The following ZNF827 variants were observed in gnomAD, a reference collection of about 807,000 sequenced individuals.
ZNF827 encodes the protein zinc finger protein 827.
ZNF827 carries 13 observed loss-of-function variants against 102.4 expected under a neutral mutation model. The ratio of observed to expected loss-of-function variants is 0.13; its 90% CI spans 0.08 to 0.20. ZNF827 has a LOEUF of 0.20. Ranked by LOEUF, ZNF827 falls within the 10% of genes least tolerant of loss-of-function variation. ZNF827 has a pLI of 1.00. For missense variants in ZNF827, 1,103 were observed against 1,344.4 expected (o/e 0.82, Z 2.81); for synonymous variants, 523 against 536.2 (o/e 0.98, Z 0.34).
chr4:145,882,171 C>T (rs1418698077), intron 4 of ZNF827, among the ~76,000 whole-genome samples: 1 of 152,210 alleles, frequency 6.6e-6, no homozygotes, highest in South Asian at 2.1e-4. Flanking sequence ...ACCCTAGCCA[C>T]GTGACCACTG....
intron 9 of ZNF827, among the ~76,000 whole-genome samples, chr4:145,777,037 C>T (rs1424319300): frequency 1.3e-5 from 2 of 152,204 alleles, no homozygotes; most frequent in Non-Finnish European, 2.9e-5. Context: ...TTAATGCTTA[C>T]TTGGTATTAC....
At chr4:145,813,647 A>C (rs1742273973) in intron 8 of ZNF827, among the ~76,000 whole-genome samples, 2 of 152,182 alleles carry the variant, frequency 1.3e-5, no homozygotes, top group Non-Finnish European at 1.5e-5. Context: ...GCAAAAACAG[A>C]CCCGTATTAT....
Position 145,903,620 on chromosome 4 carries a change from A to T in ZNF827, c.44-405T>A, listed in dbSNP as rs557630750. Reference sequence around the variant, plus strand: ...GAGAGGCAGCCTGGCATAGTGGGACACAGACCGTGAGACACAGACAGTGGG... The same window carrying T: ...GAGAGGCAGCCTGGCATAGTGGGACTCAGACCGTGAGACACAGACAGTGGG... On this transcript the variant is annotated intron_variant, in intron 1 of 14. Coordinates refer to ENST00000508784, the MANE Select transcript of ZNF827 (RefSeq NM_001306215.2). Among the ~76,000 whole-genome samples the T allele has an allele frequency of 3.3e-5, 5 of 152,310 alleles. No homozygotes were observed. The South Asian group carries it at 8.3e-4, about 25-fold the overall frequency.
intron 2 of ZNF827, among the ~76,000 whole-genome samples, chr4:145,899,905 A>G (rs1579514974): frequency 6.6e-6 from 1 of 152,326 alleles, no homozygotes; most frequent in East Asian, 1.9e-4. Flanking sequence ...TGATTAAAAT[A>G]TTAAGTGTTT....
intron 4 of ZNF827, among the ~76,000 whole-genome samples, chr4:145,877,445 G>T (rs1034682881): frequency 6.6e-6 from 1 of 152,080 alleles, no homozygotes; most frequent in Non-Finnish European, 1.5e-5. Flanking sequence ...AATGTTAAGC[G>T]TATTATATTC....
At chr4:145,904,708 G>A (rs1751694215) in intron 1 of ZNF827, among the ~76,000 whole-genome samples, 1 of 152,180 alleles carries the variant, frequency 6.6e-6, no homozygotes, top group African/African-American at 2.4e-5. Context: ...ATGAGAGTGT[G>A]TATGCACGTG....
chr4:145,824,989 C>G (rs1198971600), intron 7 of ZNF827, among the ~76,000 whole-genome samples: 2 of 152,140 alleles, frequency 1.3e-5, no homozygotes, highest in South Asian at 2.1e-4. Flanking sequence ...ATCTTAAACA[C>G]AAAACAATTT....
intron 5 of ZNF827, among the ~76,000 whole-genome samples, chr4:145,863,890 G>T (rs1747948145): frequency 2.6e-5 from 4 of 152,108 alleles, no homozygotes; most frequent in African/African-American, 9.7e-5. Flanking sequence ...TATGGTATGT[G>T]AATTATATTT....
intron 7 of ZNF827, among the ~76,000 whole-genome samples, chr4:145,829,670 T>C (rs748143333): frequency 3.9e-5 from 6 of 152,174 alleles, no homozygotes; most frequent in Non-Finnish European, 8.8e-5. Flanking sequence ...GGTACAACAG[T>C]TCTGTGGGAG....
At chr4:145,860,898 T>C (rs981421821) in intron 5 of ZNF827, among the ~76,000 whole-genome samples, 8 of 152,246 alleles carry the variant, frequency 5.3e-5, no homozygotes, top group Non-Finnish European at 1.0e-4. Flanking sequence ...GAAATTTCTA[T>C]TCTTGGGCTA....
intron 7 of ZNF827, among the ~76,000 whole-genome samples, chr4:145,843,795 C>A (rs1337321011): frequency 2.0e-5 from 3 of 152,290 alleles, no homozygotes; most frequent in South Asian, 4.1e-4. Flanking sequence ...GGTTATACAT[C>A]CCCTGCAGGG....
chr4:145,844,417 C>A (rs894228763), intron 7 of ZNF827, among the ~76,000 whole-genome samples: 62 of 149,304 alleles, frequency 4.2e-4, no homozygotes, highest in African/African-American at 1.4e-3. Flanking sequence ...CGGTGGCTCA[C>A]CCCTGTAATC....
At chr4:145,886,789 G>C (rs977617491) in intron 3 of ZNF827, among the ~76,000 whole-genome samples, 1 of 151,598 alleles carries the variant, frequency 6.6e-6, no homozygotes, top group Non-Finnish European at 1.5e-5. Flanking sequence ...AGTATTCTGA[G>C]CAAGAGGAAA....
chr4:145,798,341 T>A (rs1740573336), intron 8 of ZNF827, among the ~76,000 whole-genome samples: 1 of 152,212 alleles, frequency 6.6e-6, no homozygotes, highest in African/African-American at 2.4e-5. Flanking sequence ...ATAGAGGATT[T>A]TCTCTACATG....
intron 5 of ZNF827, among the ~76,000 whole-genome samples, chr4:145,864,782 G>C (rs1413804411): frequency 1.3e-5 from 2 of 152,082 alleles, no homozygotes; most frequent in Non-Finnish European, 2.9e-5. Context: ...TATGGAAGCA[G>C]GTAGAATCAT....
Position 145,851,089 on chromosome 4 carries a change from C to G in ZNF827, c.1982-1528G>C, listed in dbSNP as rs141758727. 5.5e-3 allele frequency among the ~76,000 whole-genome samples: 833 copies of G among 152,262 alleles called. 8 individuals carry two copies. The highest frequency in any genetic ancestry group is 0.019 in the African/African-American group (804 of 41,540). ...GATGCAGCCACAAACCAAGGAGTCC[C>G]TGCAGCCACTGGAAGCTGCAAGAGG... On this transcript the variant is annotated intron_variant, in intron 5 of 14. Transcript: ENST00000508784.
intron 9 of ZNF827, among the ~76,000 whole-genome samples, chr4:145,776,480 A>C (rs1737117140): frequency 6.6e-6 from 1 of 152,056 alleles, no homozygotes; most frequent in African/African-American, 2.4e-5. Flanking sequence ...AAAAAAAAAA[A>C]AAAGTCCCAG....
intron 7 of ZNF827, among the ~76,000 whole-genome samples, chr4:145,837,739 A>T (rs1456087148): frequency 6.6e-6 from 1 of 152,030 alleles, no homozygotes; most frequent in Non-Finnish European, 1.5e-5. Flanking sequence ...CAATTCTTAG[A>T]CCTTTTATAC....
intron 6 of ZNF827, among the ~76,000 whole-genome samples, chr4:145,847,811 T>C (rs1746133061): frequency 6.6e-6 from 1 of 152,232 alleles, no homozygotes; most frequent in Non-Finnish European, 1.5e-5. Flanking sequence ...TGGAAAAATT[T>C]AAACAAAGAT....
Sources: gnomAD v4.1 joint callset for allele counts (sites outside exome capture counted in the v4.1 genomes callset) on GRCh38, gnomAD v4.1.1 for gene constraint, MANE v1.5 for transcripts, NCBI Gene and HGNC (gene_info 2026-07-23, HGNC 2026-07-21) for gene names.